Variants in ARID1B observed in about 807,000 individuals in gnomAD.
ARID1B encodes AT-rich interactive domain-containing protein 1B.
ARID1B carries 30 observed loss-of-function variants against 212.3 expected under a neutral mutation model. The ratio of observed to expected loss-of-function variants is 0.14; its 90% CI spans 0.11 to 0.19. ARID1B has a LOEUF of 0.19. Ranked by LOEUF, ARID1B falls within the 10% of genes least tolerant of loss-of-function variation. The pLI, the probability that ARID1B is intolerant of heterozygous loss-of-function variation, is 1.00. For synonymous variants in ARID1B, 1,402 were observed against 1,301.7 expected (o/e 1.08, Z -1.66); for missense variants, 2,891 against 3,204.0 (o/e 0.90, Z 2.36).
chr6:157,021,465 G>GCAGAGGCCGC (rs1476889358), intron 4 of ARID1B, among the ~76,000 whole-genome samples: 1 of 152,206 alleles, frequency 6.6e-6, no homozygotes, highest in Non-Finnish European at 1.5e-5. Flanking sequence ...GCCTCTGCCG[G>GCAGAGGCCGC]CAGGCCCCGC....
intron 2 of ARID1B, among the ~76,000 whole-genome samples, chr6:156,876,781 G>A (rs996826011): frequency 6.6e-5 from 10 of 152,252 alleles, no homozygotes; most frequent in Non-Finnish European, 1.5e-4. Flanking sequence ...GCCAGTTATC[G>A]CCCTCCTACT....
rs1362014191 is a variant in ARID1B, at chr6:157,210,743, A to G, written c.*2852A>G. On this transcript the variant is annotated 3_prime_UTR_variant, in exon 20 of 20. Transcript: ENST00000636930. ...AAAGATAAAAAATAAAGGTGCAAAG[A>G]AAGTTTAGTATTTTGGAATGGTGCT... 1 of 230,920 alleles carries G rather than the reference A, an allele frequency of 4.3e-6. No individual in the cohort carries two copies. Among genetic ancestry groups the G allele is most frequent in the Non-Finnish European group, 8.6e-6 (1 of 116,958 alleles). The allele number at this position is 230,920 out of a possible 1,614,324, so 14.3% of individuals were successfully genotyped here. A position where few individuals can be genotyped will look rare whatever the true frequency, so the allele number is the denominator to read the frequency against.
In ARID1B at chr6:157,184,376, C is replaced by G. The variant is rs754303482; in HGVS notation, c.3860C>G (p.Pro1287Arg). ...ATCGAACGTGGGGAGGAGCCCCCGC[C>G]GGAAGTCTTCAGCACCGGGGACACC... ...CKIERGEEPP[P>R]EVFSTGDTKK... is the part of the protein sequence containing the mutation. Residue 1287 changes from proline (P) to arginine (R), a missense_variant, in exon 13 of 20, where the codon CCG becomes CGG. Around this residue, in one of 7 missense-constraint regions of ARID1B, gnomAD observed 666 missense variants for 873.5 expected, o/e 0.76. Coordinates refer to ENST00000636930, the MANE Select transcript of ARID1B (RefSeq NM_001374828.1). 1 of 1,614,148 alleles carries G rather than the reference C, an allele frequency of 6.2e-7. No homozygotes were observed. Among genetic ancestry groups the G allele is most frequent in the Non-Finnish European group, 8.5e-7 (1 of 1,180,032 alleles).
intron 8 of ARID1B, chr6:157,149,641 A>G (rs1414083568): frequency 6.6e-6 from 1 of 152,260 alleles, no homozygotes; most frequent in Non-Finnish European, 1.5e-5. Context: ...CTTGACCTGG[A>G]TAAAAATAAC....
chr6:157,177,555 C>G (rs1445723596), intron 11 of ARID1B, among the ~76,000 whole-genome samples: 1 of 152,086 alleles, frequency 6.6e-6, no homozygotes, highest in Non-Finnish European at 1.5e-5. Context: ...ACAGAACATT[C>G]TAAAATAAAA....
At chr6:156,988,217 G>C (rs915533838) in intron 4 of ARID1B, among the ~76,000 whole-genome samples, 2 of 152,172 alleles carry the variant, frequency 1.3e-5, no homozygotes, top group African/African-American at 4.8e-5. Flanking sequence ...GAGTTTAAGG[G>C]GATAGGATAA....
At position 157,004,901 on chromosome 6, in the gene ARID1B, T is replaced by G. The variant is rs1779134971; in HGVS notation, c.2247+69325T>G. ...TTCTTTTTCTTCTTCTTTTTTCTTT[T>G]TTTTTTTTTTTTTTTTTTTTTTTTT... On this transcript the variant is annotated intron_variant, in intron 4 of 19. Transcript: ENST00000636930. 1.3e-3 allele frequency among the ~76,000 whole-genome samples: 109 copies of G among 83,002 alleles called. 4 individuals are homozygous for G. Among genetic ancestry groups the G allele is most frequent in the African/African-American group, 3.4e-3 (57 of 16,620 alleles). The allele number at this position is 83,002 out of a possible 152,430, so 54.5% of individuals were successfully genotyped here. A position where few individuals can be genotyped will look rare whatever the true frequency, so the allele number is the denominator to read the frequency against.
chr6:157,056,055 T>G (rs1782935459), intron 4 of ARID1B, among the ~76,000 whole-genome samples: 1 of 152,168 alleles, frequency 6.6e-6, no homozygotes, highest in Admixed American at 6.5e-5. Context: ...GTCAACTGAT[T>G]AGGGACCTTA....
chr6:156,802,117 C>G (rs1461590745), intron 1 of ARID1B, among the ~76,000 whole-genome samples: 1 of 152,232 alleles, frequency 6.6e-6, no homozygotes, highest in Non-Finnish European at 1.5e-5. Context: ...CAATTTTTCA[C>G]AGCTTGTCTT....
chr6:157,082,316 C>T (rs866758462), intron 4 of ARID1B, among the ~76,000 whole-genome samples: 7 of 152,088 alleles, frequency 4.6e-5, no homozygotes, highest in South Asian at 2.1e-4. Context: ...AAGCTTTTTC[C>T]GTTAAGGGCC....
chr6:156,966,058 G>A (rs988357712), intron 4 of ARID1B, among the ~76,000 whole-genome samples: 3 of 152,166 alleles, frequency 2.0e-5, no homozygotes, highest in African/African-American at 7.2e-5. Flanking sequence ...GCTAAGATAT[G>A]TAGGATGTTT....
At position 157,190,172 on chromosome 6, in the gene ARID1B, A is replaced by G. The variant is rs752811689; in HGVS notation, c.4193A>G (p.Tyr1398Cys). Residue 1398 changes from tyrosine (Y) to cysteine (C), a missense_variant, in exon 15 of 20, where the codon TAT becomes TGT. This residue lies in a region of ARID1B where 666 missense variants were observed against 873.5 expected (regional missense o/e 0.76). Coordinates refer to ENST00000636930, the MANE Select transcript of ARID1B (RefSeq NM_001374828.1). The surrounding 1 kb of genome is among the most constrained non-coding windows in gnomAD (Gnocchi z 4.6). Reference sequence around the variant, plus strand: ...CCCGATGTGATGGGCAGGATGCCCTATGAGCCCAACAAGGACCCCTTTGGG... The same window carrying G: ...CCCGATGTGATGGGCAGGATGCCCTGTGAGCCCAACAAGGACCCCTTTGGG... ...SMPDVMGRMP[Y>C]EPNKDPFGGM... 2.5e-5 allele frequency: 40 copies of G among 1,613,862 alleles called. No individual in the cohort carries two copies. In the South Asian group the frequency reaches 3.2e-4, roughly 13 times the overall value.
chr6:157,096,427 C>T (rs531047761), intron 5 of ARID1B, among the ~76,000 whole-genome samples: 15 of 152,366 alleles, frequency 9.8e-5, no homozygotes, highest in African/African-American at 3.6e-4. Flanking sequence ...GCATTTCACC[C>T]TCCATGGGAT....
In ARID1B at chr6:157,052,604, C is replaced by T. The variant is rs546740108; in HGVS notation, c.2248-32058C>T. ...TGCTTATACAGAATATCTTGTAAAG[C>T]AAAACAGAAGTTGCAAAGGAAAAGA... is the stretch of plus-strand genomic sequence containing the variant. On this transcript the variant is annotated intron_variant, in intron 4 of 19. Transcript: ENST00000636930. Among the ~76,000 whole-genome samples, 96 of 152,292 alleles carry T rather than the reference C, an allele frequency of 6.3e-4. 1 individual carries two copies. The highest frequency in any genetic ancestry group is 6.8e-3 in the Middle Eastern group (2 of 294).
At chr6:156,892,916 C>G (rs1362078118) in intron 2 of ARID1B, among the ~76,000 whole-genome samples, 1 of 152,016 alleles carries the variant, frequency 6.6e-6, no homozygotes, top group East Asian at 1.9e-4. Flanking sequence ...AACAATAAGT[C>G]TTTCAAAAGA....
intron 4 of ARID1B, among the ~76,000 whole-genome samples, chr6:157,046,664 A>G (rs1269792881): frequency 1.3e-5 from 2 of 152,192 alleles, no homozygotes; most frequent in Non-Finnish European, 1.5e-5. Flanking sequence ...CTTGGGAAAA[A>G]TAGAATTTTG....
intron 2 of ARID1B, among the ~76,000 whole-genome samples, chr6:156,845,792 A>G (rs1287180288): frequency 1.3e-5 from 2 of 152,080 alleles, no homozygotes; most frequent in African/African-American, 4.8e-5. Flanking sequence ...GATAATTACC[A>G]TATCTTTATT....
Position 156,887,280 on chromosome 6 carries a change from T to G in ARID1B, c.1987-14096T>G, listed in dbSNP as rs377440307. Among the ~76,000 whole-genome samples the G allele has an allele frequency of 3.4e-4, 52 of 152,314 alleles. No individual in the cohort carries two copies. In the South Asian group the frequency reaches 9.8e-3, roughly 29 times the overall value. On this transcript the variant is annotated intron_variant, in intron 2 of 19. Coordinates refer to ENST00000636930, the MANE Select transcript of ARID1B (RefSeq NM_001374828.1). ...CCAATGCTGGCTCTTCCCACGGGAC[T>G]GTCTGTTCATGGATTCTGCAGTTGA... is the stretch of plus-strand genomic sequence containing the variant.
At chr6:157,171,398 C>T (rs1439463520) in intron 9 of ARID1B, among the ~76,000 whole-genome samples, 2 of 152,178 alleles carry the variant, frequency 1.3e-5, no homozygotes, top group Non-Finnish European at 2.9e-5. Flanking sequence ...TTGTAATAGT[C>T]GTGGTCCTTC....
Sources: allele counts gnomAD v4.1 joint callset (sites outside exome capture counted in the v4.1 genomes callset), GRCh38; gene constraint gnomAD v4.1.1; regional missense constraint gnomAD v4.1.1; non-coding constraint Gnocchi (gnomAD v3.1); transcripts MANE v1.5; gene names NCBI Gene and HGNC (gene_info 2026-07-23, HGNC 2026-07-21).